The following PCDHGA10 variants were observed in gnomAD, a reference collection of about 807,000 sequenced individuals.
The protein encoded by PCDHGA10 is protocadherin gamma subfamily A, 10, also known as protocadherin gamma-A10.
Under a neutral mutation model 59.5 loss-of-function variants are expected in PCDHGA10, and 42 were observed. The observed-to-expected ratio is 0.71, with a 90% confidence interval of 0.55 to 0.91. The LOEUF is 0.91. PCDHGA10 is among the 40% of genes least tolerant of loss of function. PCDHGA10 has a pLI of 0.00. For missense variants in PCDHGA10, 1,111 were observed against 1,198.2 expected (o/e 0.93, Z 1.07); for synonymous variants, 511 against 517.2 (o/e 0.99, Z 0.16).
Position 141,477,783 on chromosome 5 carries a change from T to C in PCDHGA10, c.2437-17024T>C. 1 of 1,614,078 alleles carries C rather than the reference T, an allele frequency of 6.2e-7. No individual in the cohort carries two copies. Among genetic ancestry groups the C allele is most frequent in the Non-Finnish European group, 8.5e-7 (1 of 1,180,028 alleles). On this transcript the variant is annotated intron_variant, in intron 1 of 3. Coordinates refer to ENST00000398610, the MANE Select transcript of PCDHGA10 (RefSeq NM_018913.3). The surrounding 1 kb of genome is among the most constrained non-coding windows in gnomAD (Gnocchi z 4.9). ...GCCACCAACATCAGCGTGAACATAT[T>C]TGTCACTGATCGCAATGACAATGCC...
chr5:141,451,593 C>A (rs2098719809), intron 1 of PCDHGA10, among the ~76,000 whole-genome samples: 1 of 152,042 alleles, frequency 6.6e-6, no homozygotes, highest in African/African-American at 2.4e-5. Context: ...TTGAAAGTGA[C>A]ATACAAGGCT....
chr5:141,455,856 TTTTATTA>T (rs1315325745), intron 1 of PCDHGA10, among the ~76,000 whole-genome samples: 1 of 146,240 alleles, frequency 6.8e-6, no homozygotes, highest in East Asian at 2.0e-4. Flanking sequence ...AAATAATTTC[TTTTATTA>T]TTTATTTATT....
chr5:141,415,740 G>GTTTTTTTTTTTTTTTTTTTTT (rs57426385), intron 1 of PCDHGA10, 129 bp downstream of exon 1: 5 of 625,024 alleles, frequency 8.0e-6, no homozygotes, highest in Non-Finnish European at 8.5e-6. Flanking sequence ...GTTTATTAAG[G>GTTTTTTTTTTTTTTTTTTTTT]TTTTTTTTTT....
chr5:141,428,563 G>A, intron 1 of PCDHGA10: 2 of 237,566 alleles, frequency 8.4e-6, no homozygotes, highest in East Asian at 1.1e-4. Flanking sequence ...CCCCCCACAA[G>A]ATCTTTCTAA....
chr5:141,423,174 C>T (rs1203454000), intron 1 of PCDHGA10: 1 of 1,613,484 alleles, frequency 6.2e-7, no homozygotes, highest in South Asian at 1.1e-5. Flanking sequence ...CCGTCCAGGA[C>T]CACGGCCAGC....
At chr5:141,483,812 A>C (rs1188806533) in intron 1 of PCDHGA10, among the ~76,000 whole-genome samples, 2 of 152,162 alleles carry the variant, frequency 1.3e-5, no homozygotes, top group Non-Finnish European at 2.9e-5. Context: ...TTTTTTTGGC[A>C]GCCAGTGTAA....
At position 141,511,076 on chromosome 5, in the gene PCDHGA10, A is replaced by G. The variant is rs201009079; in HGVS notation, c.2714A>G (p.Asn905Ser). 19 of 1,614,218 alleles carry G rather than the reference A, an allele frequency of 1.2e-5. No individual in the cohort carries two copies. In the East Asian group the frequency reaches 3.6e-4, roughly 30 times the overall value. ...CAGAATGTCTACATCCCAGGCAGCA[A>G]TGCCACACTGACCAACGCAGCTGGC... ...YRQNVYIPGS[N>S]ATLTNAAGKR... Residue 905 changes from asparagine (N) to serine (S), a missense_variant, in exon 4 of 4, where the codon AAT (asparagine) becomes AGT (serine). Coordinates refer to ENST00000398610, the MANE Select transcript of PCDHGA10 (RefSeq NM_018913.3).
At chr5:141,496,588 C>T (rs775641672) in intron 2 of PCDHGA10, among the ~76,000 whole-genome samples, 9 of 152,280 alleles carry the variant, frequency 5.9e-5, no homozygotes, top group Non-Finnish European at 1.0e-4. Context: ...GAACGCAAAG[C>T]GCTTCTTAGA....
At chr5:141,456,341 C>G (rs950158154) in intron 1 of PCDHGA10, among the ~76,000 whole-genome samples, 4 of 152,034 alleles carry the variant, frequency 2.6e-5, no homozygotes, top group Admixed American at 1.3e-4. Context: ...TAAGGGTCCT[C>G]GGAAGAATGG....
chr5:141,418,785 T>C, intron 1 of PCDHGA10: 1 of 1,613,862 alleles, frequency 6.2e-7, no homozygotes, highest in African/African-American at 1.3e-5. Flanking sequence ...CCTTTGGATT[T>C]TGAAGAAGTA....
intron 1 of PCDHGA10, chr5:141,427,988 T>C (rs555561265): frequency 6.3e-7 from 1 of 1,598,504 alleles, no homozygotes; most frequent in South Asian, 1.1e-5. Context: ...TGGGGCCCGA[T>C]GGCTCCGCAC....
At chr5:141,506,934 G>A (rs187503673) in intron 3 of PCDHGA10, among the ~76,000 whole-genome samples, 54 of 152,232 alleles carry the variant, frequency 3.5e-4, no homozygotes, top group African/African-American at 1.3e-3. Flanking sequence ...AAACTTTAGG[G>A]GCCTCCTGTC....
chr5:141,491,537 C>T lies in PCDHGA10; in HGVS notation c.2437-3270C>T, dbSNP rs1330469043. The T allele has an allele frequency of 3.1e-6, 5 of 1,613,908 alleles. No homozygotes were observed. The highest frequency in any genetic ancestry group is 4.2e-6 in the Non-Finnish European group (5 of 1,180,020). On this transcript the variant is annotated intron_variant, in intron 1 of 3. Transcript: ENST00000398610. This position sits in a 1 kb window ranked among gnomAD's most constrained non-coding sequence, Gnocchi z 6.9. ...AAGTACATGGAGGTGACGCTGCGGC[C>T]CACAGACTCGCAGAGCCACTGCTAC...
At position 141,512,750 on chromosome 5, in the gene PCDHGA10, G is replaced by C. The variant is rs538475261; in HGVS notation, c.*1577G>C. The C allele has an allele frequency of 2.6e-5, 4 of 152,894 alleles. No homozygotes were observed. The highest frequency in any genetic ancestry group is 4.4e-5 in the Non-Finnish European group (3 of 68,656). 9.5% of individuals were successfully genotyped at this position (152,894 alleles called of 1,614,324 possible). ...AGCGGGCGGCGGGCTCCGCGCAGCC[G>C]TCTGTCCTTGATCTGCCCGCGGCGG... On this transcript the variant is annotated 3_prime_UTR_variant, in exon 4 of 4. Coordinates refer to ENST00000398610, the MANE Select transcript of PCDHGA10 (RefSeq NM_018913.3).
At position 141,512,630 on chromosome 5, in the gene PCDHGA10, G is replaced by C. The variant is rs1335322474; in HGVS notation, c.*1457G>C. On this transcript the variant is annotated 3_prime_UTR_variant, in exon 4 of 4. Transcript: ENST00000398610. ...GGGGCTGCCAGAGAACCCCAGACCT[G>C]CCCTTACAGTAGTGTAGCGCCCCCT... The C allele has an allele frequency of 6.5e-6, 1 of 152,888 alleles. No individual in the cohort carries two copies. Among genetic ancestry groups the C allele is most frequent in the Non-Finnish European group, 1.5e-5 (1 of 68,576 alleles). 9.5% of individuals were successfully genotyped at this position (152,888 alleles called of 1,614,324 possible).
chr5:141,431,237 C>A lies in PCDHGA10; in HGVS notation c.2436+15626C>A. 1 of 1,614,170 alleles carries A rather than the reference C, an allele frequency of 6.2e-7. No homozygotes were observed. Among genetic ancestry groups the A allele is most frequent in the Non-Finnish European group, 8.5e-7 (1 of 1,180,044 alleles). The stretch of plus-strand genomic sequence containing the variant: ...GTTCCCTCTACCCCACGCCTGGGAT[C>A]CGGATATCGGGAAGAACTCTCTGCA... On this transcript the variant is annotated intron_variant, in intron 1 of 3. Transcript: ENST00000398610. The surrounding 1 kb of genome is among the most constrained non-coding windows in gnomAD (Gnocchi z 4.8).
At position 141,477,576 on chromosome 5, in the gene PCDHGA10, C is replaced by A; in HGVS notation, c.2437-17231C>A. The A allele has an allele frequency of 6.2e-7, 1 of 1,614,162 alleles. No homozygotes were observed. The highest frequency in any genetic ancestry group is 8.5e-7 in the Non-Finnish European group (1 of 1,180,026). On this transcript the variant is annotated intron_variant, in intron 1 of 3. Transcript: ENST00000398610. The surrounding 1 kb of genome is among the most constrained non-coding windows in gnomAD (Gnocchi z 4.9). ...CTAAGTGTCTGGGACCCCGACGCCC[C>A]GCAGAATGCTCGGCTTTCTTTCTTT...
intron 1 of PCDHGA10, chr5:141,423,483 A>G (rs767321755): frequency 1.9e-6 from 3 of 1,613,974 alleles, no homozygotes; most frequent in Middle Eastern, 3.3e-4. Flanking sequence ...CTTTCCTGCA[A>G]ACCTATTCCC....
At chr5:141,478,019 C>T in intron 1 of PCDHGA10, 1 of 1,614,136 alleles carries the variant, frequency 6.2e-7, no homozygotes, top group Non-Finnish European at 8.5e-7. Flanking sequence ...CCGTCCAGTC[C>T]AAGACACAGA....
Sources: allele counts gnomAD v4.1 joint callset (sites outside exome capture counted in the v4.1 genomes callset), GRCh38; gene constraint gnomAD v4.1.1; non-coding constraint Gnocchi (gnomAD v3.1); transcripts MANE v1.5; gene names NCBI Gene and HGNC (gene_info 2026-07-23, HGNC 2026-07-21).